Variants in CDH6 observed in about 807,000 individuals in gnomAD.
CDH6 encodes cadherin 6.
CDH6 carries 31 observed loss-of-function variants against 78.0 expected under a neutral mutation model. The observed-to-expected ratio is 0.40, with a 90% CI of 0.30 to 0.54. The LOEUF is 0.54. CDH6 is among the 20% of genes least tolerant of loss of function. CDH6 has a pLI of 0.56. For missense variants in CDH6, 724 were observed against 975.9 expected, an observed-to-expected ratio of 0.74 and a Z score of 3.44; for synonymous variants, 376 against 368.8, an observed-to-expected ratio of 1.02 and a Z score of -0.23.
At chr5:31,302,856 A>AAG (rs1737836094) in intron 6 of CDH6, among the ~76,000 whole-genome samples, 5 of 146,912 alleles carry the variant, frequency 3.4e-5, no homozygotes, top group East Asian at 2.0e-4. Context: ...AAGAAAGAGA[A>AAG]AGAAAGGAAG....
Position 31,223,000 on chromosome 5 carries a change from T to C in CDH6, c.-129+29114T>C, listed in dbSNP as rs1741044324. On this transcript the variant is annotated intron_variant, in intron 1 of 11. Transcript: ENST00000265071. ...TCTCTCTCTCCCGCACTTTTCCTCT[T>C]TCTCTCTCACTTTTCCTCTCTCTTA... Among the ~76,000 whole-genome samples the C allele has an allele frequency of 4.6e-5, 7 of 152,006 alleles. No individual in the cohort carries two copies. The South Asian group carries it at 1.5e-3, about 32-fold the overall frequency.
chr5:31,202,135 G>A (rs922137075), intron 1 of CDH6, among the ~76,000 whole-genome samples: 2 of 151,884 alleles, frequency 1.3e-5, no homozygotes. Context: ...AGTGAACTTT[G>A]TATAATTGTA....
Position 31,317,428 on chromosome 5 carries a change from A to G in CDH6, c.1566A>G (p.Gln522=). Reference sequence around the variant, plus strand: ...AGGATGACCCTTATAGTGGACACCAATTTTCGTTTTCCTTGGCCCCTGAAG... The same window carrying G: ...AGGATGACCCTTATAGTGGACACCAGTTTTCGTTTTCCTTGGCCCCTGAAG... ...VDKDDPYSGH[Q]FSFSLAPEAA... is the part of the protein sequence containing the mutation. The change falls in exon 10 of 12, where the codon CAA becomes CAG. Residue 522 remains glutamine, a synonymous_variant. Coordinates refer to ENST00000265071, the MANE Select transcript of CDH6 (RefSeq NM_004932.4). 1.2e-6 allele frequency: 2 copies of G among 1,613,074 alleles called. No individual in the cohort carries two copies. Among genetic ancestry groups the G allele is most frequent in the Non-Finnish European group, 1.7e-6 (2 of 1,179,122 alleles).
chr5:31,223,488 C>T (rs1005140331), intron 1 of CDH6, among the ~76,000 whole-genome samples: 6 of 152,116 alleles, frequency 3.9e-5, no homozygotes, highest in Admixed American at 3.9e-4. Flanking sequence ...TTTTGTAAAT[C>T]CAGTACTTTG....
At chr5:31,210,864 A>C (rs1579817340) in intron 1 of CDH6, among the ~76,000 whole-genome samples, 1 of 152,234 alleles carries the variant, frequency 6.6e-6, no homozygotes, top group Middle Eastern at 3.4e-3. Context: ...AATCTGTGGA[A>C]GCTGAACGCA....
At chr5:31,315,587 C>T (rs1326957633) in intron 8 of CDH6, among the ~76,000 whole-genome samples, 8 of 152,210 alleles carry the variant, frequency 5.3e-5, no homozygotes, top group Admixed American at 5.2e-4. Context: ...GGGCTTTCAG[C>T]CTGGGCTTGG....
intron 2 of CDH6, among the ~76,000 whole-genome samples, chr5:31,279,763 T>C (rs997229876): frequency 2.6e-5 from 4 of 152,178 alleles, no homozygotes; most frequent in Non-Finnish European, 5.9e-5. Flanking sequence ...AAAATCTAAG[T>C]ATAAGTGGAC....
chr5:31,293,639 A>T (rs566569749), intron 2 of CDH6, among the ~76,000 whole-genome samples: 1 of 152,246 alleles, frequency 6.6e-6, no homozygotes, highest in East Asian at 1.9e-4. Flanking sequence ...TCGTGAAAAG[A>T]GTCTCATTCC....
At chr5:31,317,525 C>T (rs1391711048) in intron 10 of CDH6, 33 bp downstream of exon 10, 17 of 1,524,796 alleles carry the variant, frequency 1.1e-5, no homozygotes, top group Non-Finnish European at 1.5e-5. Context: ...CTCTATCTAT[C>T]TCCATCTATA....
chr5:31,280,824 AGAGAAAG>A (rs372433403), intron 2 of CDH6, among the ~76,000 whole-genome samples: 13 of 152,062 alleles, frequency 8.5e-5, no homozygotes, highest in South Asian at 2.1e-4. Context: ...AAAGGACAAC[AGAGAAAG>A]GAGAAAGGAG....
chr5:31,266,042 G>T (rs1742341950), intron 1 of CDH6, among the ~76,000 whole-genome samples: 1 of 151,952 alleles, frequency 6.6e-6, no homozygotes, highest in South Asian at 2.1e-4. Flanking sequence ...TCCCAAATTT[G>T]CTGGGATTAC....
At chr5:31,198,387 T>C (rs886961522) in intron 1 of CDH6, among the ~76,000 whole-genome samples, 3 of 152,204 alleles carry the variant, frequency 2.0e-5, no homozygotes, top group African/African-American at 4.8e-5. Context: ...ATTTGATTTG[T>C]CATGTAAATG....
At position 31,294,097 on chromosome 5, in the gene CDH6, C is replaced by A; in HGVS notation, c.364C>A (p.Pro122Thr). 1 of 1,613,694 alleles carries A rather than the reference C, an allele frequency of 6.2e-7. No individual in the cohort carries two copies. Among genetic ancestry groups the A allele is most frequent in the Non-Finnish European group, 8.5e-7 (1 of 1,179,876 alleles). ...ATKRLDREEK[P>T]VYILRAQAIN... ...CAAGAGGCTGGACAGGGAAGAAAAA[C>A]CCGTTTACATCCTTCGAGCTCAAGC... The change falls in exon 3 of 12, where the codon CCC (proline) becomes ACC (threonine). Residue 122 changes from proline (P) to threonine (T), a missense_variant. Physicochemically the swap from Pro to Thr is conservative, Grantham distance 38. Around this residue, in one of 3 missense-constraint regions of CDH6, gnomAD observed 446 missense variants for 684.5 expected, o/e 0.65. Coordinates refer to ENST00000265071, the MANE Select transcript of CDH6 (RefSeq NM_004932.4). This position sits in a 1 kb window ranked among gnomAD's most constrained non-coding sequence, Gnocchi z 4.1.
At chr5:31,218,863 C>G (rs1415017691) in intron 1 of CDH6, among the ~76,000 whole-genome samples, 1 of 152,184 alleles carries the variant, frequency 6.6e-6, no homozygotes, top group East Asian at 1.9e-4. Context: ...CACTAACCCA[C>G]TCTCATCCCC....
At chr5:31,201,496 T>C (rs1579806883) in intron 1 of CDH6, among the ~76,000 whole-genome samples, 1 of 152,224 alleles carries the variant, frequency 6.6e-6, no homozygotes, top group Non-Finnish European at 1.5e-5. Flanking sequence ...CTCAATTTAT[T>C]TGATTTAAAG....
intron 1 of CDH6, among the ~76,000 whole-genome samples, chr5:31,199,669 A>ATGTGTGTGTG (rs763899210): frequency 1.1e-5 from 1 of 94,240 alleles, no homozygotes; most frequent in African/African-American, 3.9e-5. Flanking sequence ...GTGTGTGTGT[A>ATGTGTGTGTG]TGTGTGTGTG....
intron 2 of CDH6, among the ~76,000 whole-genome samples, chr5:31,278,254 A>G (rs1323570357): frequency 2.0e-5 from 3 of 152,194 alleles, no homozygotes; most frequent in African/African-American, 7.2e-5. Flanking sequence ...GTGTGTTATG[A>G]AAGTCTTTCT....
At chr5:31,303,108 A>G (rs1476476872) in intron 6 of CDH6, among the ~76,000 whole-genome samples, 1 of 152,182 alleles carries the variant, frequency 6.6e-6, no homozygotes, top group African/African-American at 2.4e-5. Context: ...GTAAATAAGT[A>G]ATATAAACAA....
intron 1 of CDH6, among the ~76,000 whole-genome samples, chr5:31,226,331 C>A (rs544116474): frequency 6.6e-6 from 1 of 152,074 alleles, no homozygotes; most frequent in African/African-American, 2.4e-5. Context: ...CCCACCACCA[C>A]GCCCAGCTAA....
Sources: allele counts gnomAD v4.1 joint callset (sites outside exome capture counted in the v4.1 genomes callset), GRCh38; gene constraint gnomAD v4.1.1; regional missense constraint gnomAD v4.1.1; non-coding constraint Gnocchi (gnomAD v3.1); transcripts MANE v1.5; gene names NCBI Gene and HGNC (gene_info 2026-07-23, HGNC 2026-07-21).